UBE3D: variants seen among roughly 807,000 people sequenced by gnomAD.
The protein encoded by UBE3D is E3 ubiquitin-protein ligase E3D.
In UBE3D, 48 loss-of-function variants were observed where a neutral mutation model predicts 49.6. That is an observed-to-expected ratio of 0.97 (90% confidence interval 0.77 to 1.23). UBE3D has a LOEUF of 1.23. Among genes scored for constraint, UBE3D ranks in the 50% most tolerant of loss-of-function variants. UBE3D has a pLI of 0.00. For missense variants in UBE3D, 452 were observed against 468.4 expected, an observed-to-expected ratio of 0.96 and a Z score of 0.32; for synonymous variants, 189 against 174.2, an observed-to-expected ratio of 1.08 and a Z score of -0.67.
intron 8 of UBE3D, among the ~76,000 whole-genome samples, chr6:82,982,246 C>A (rs1267512720): frequency 6.6e-6 from 1 of 152,132 alleles, no homozygotes; most frequent in East Asian, 1.9e-4. Flanking sequence ...ATCATATCAT[C>A]TATTATACAT....
intron 8 of UBE3D, among the ~76,000 whole-genome samples, chr6:83,001,910 A>C (rs1474884417): frequency 6.6e-6 from 1 of 152,092 alleles, no homozygotes; most frequent in Non-Finnish European, 1.5e-5. Flanking sequence ...CTTAAATATC[A>C]CCTCATATCA....
At chr6:83,064,182 T>C (rs1203665711) in intron 1 of UBE3D, among the ~76,000 whole-genome samples, 1 of 152,188 alleles carries the variant, frequency 6.6e-6, no homozygotes, top group East Asian at 1.9e-4. Context: ...GTTCAAGAAA[T>C]GGCAAAACTA....
intron 5 of UBE3D, among the ~76,000 whole-genome samples, chr6:83,034,166 T>C (rs1218741198): frequency 1.3e-5 from 2 of 152,112 alleles, no homozygotes; most frequent in Non-Finnish European, 2.9e-5. Context: ...GACACTATTT[T>C]GGGAAGTGGA....
intron 8 of UBE3D, among the ~76,000 whole-genome samples, chr6:82,992,917 T>C (rs1409196477): frequency 1.3e-5 from 2 of 152,090 alleles, no homozygotes; most frequent in African/African-American, 4.8e-5. Flanking sequence ...TACATAATAC[T>C]AGATACAGAT....
intron 3 of UBE3D, among the ~76,000 whole-genome samples, chr6:83,050,264 AAGCATT>A (rs1783384124): frequency 6.6e-6 from 1 of 151,082 alleles, no homozygotes; most frequent in Non-Finnish European, 1.5e-5. Flanking sequence ...AAAAAAGAAT[AAGCATT>A]AGTCCCAGAC....
intron 3 of UBE3D, chr6:83,049,607 A>G (rs1317137674): frequency 3.1e-6 from 1 of 319,656 alleles, no homozygotes; most frequent in Non-Finnish European, 6.6e-6. Flanking sequence ...AAGTGGTTGG[A>G]TATCCTGACA....
chr6:83,003,376 A>C (rs1218906743), intron 8 of UBE3D, among the ~76,000 whole-genome samples: 1 of 152,062 alleles, frequency 6.6e-6, no homozygotes, highest in Non-Finnish European at 1.5e-5. Flanking sequence ...TTCATAGGAC[A>C]CCTGTTATTT....
intron 9 of UBE3D, among the ~76,000 whole-genome samples, chr6:82,940,133 G>A (rs1374440462): frequency 6.6e-6 from 1 of 152,184 alleles, no homozygotes; most frequent in Non-Finnish European, 1.5e-5. Context: ...TAACCTCCAG[G>A]CTGTCTGCCT....
At chr6:82,931,487 G>T (rs1673763590) in intron 9 of UBE3D, among the ~76,000 whole-genome samples, 1 of 152,340 alleles carries the variant, frequency 6.6e-6, no homozygotes, top group Admixed American at 6.5e-5. Flanking sequence ...CAGGAGGGGG[G>T]CTGTACCCTG....
intron 8 of UBE3D, among the ~76,000 whole-genome samples, chr6:82,970,636 G>A (rs1436922999): frequency 1.3e-4 from 20 of 152,008 alleles, no homozygotes; most frequent in African/African-American, 3.6e-4. Flanking sequence ...TCAGGAGATC[G>A]AGACCATCCT....
At chr6:83,025,495 G>T (rs532098932) in intron 5 of UBE3D, among the ~76,000 whole-genome samples, 4 of 151,990 alleles carry the variant, frequency 2.6e-5, no homozygotes, top group Non-Finnish European at 4.4e-5. Context: ...TGCTGGATAC[G>T]CTTATTTATA....
At chr6:82,919,978 A>T (rs1773210915) in intron 9 of UBE3D, among the ~76,000 whole-genome samples, 1 of 152,218 alleles carries the variant, frequency 6.6e-6, no homozygotes. Context: ...ACTGTACATC[A>T]AGTATCACCG....
At position 82,893,012 on chromosome 6, in the gene UBE3D, G is replaced by C; in HGVS notation, c.*10C>G. On this transcript the variant is annotated 3_prime_UTR_variant, in exon 10 of 10. Transcript: ENST00000369747. ...GTCTGCCGGGGGAGGAGAATGCCCA[G>C]CTCTAATAGTTACATCTTCAAAAAG... 1 of 1,613,656 alleles carries C rather than the reference G, an allele frequency of 6.2e-7. No homozygotes were observed. Among genetic ancestry groups the C allele is most frequent in the South Asian group, 1.1e-5 (1 of 91,076 alleles).
chr6:82,947,916 GA>G (rs1775523529), intron 9 of UBE3D, among the ~76,000 whole-genome samples: 1 of 151,784 alleles, frequency 6.6e-6, no homozygotes, highest in Admixed American at 6.6e-5. Flanking sequence ...CAAAACAGAA[GA>G]AAAACCTTCA....
At chr6:82,930,664 A>C (rs1774074464) in intron 9 of UBE3D, among the ~76,000 whole-genome samples, 1 of 152,200 alleles carries the variant, frequency 6.6e-6, no homozygotes, top group African/African-American at 2.4e-5. Context: ...ATGCAAAGAG[A>C]CTGGCAGCAT....
At chr6:82,997,278 T>C (rs1399208467) in intron 8 of UBE3D, among the ~76,000 whole-genome samples, 2 of 152,252 alleles carry the variant, frequency 1.3e-5, no homozygotes, top group African/African-American at 4.8e-5. Flanking sequence ...AAAATAATTT[T>C]AATAGAATGA....
intron 8 of UBE3D, among the ~76,000 whole-genome samples, chr6:82,962,715 G>A (rs974424467): frequency 2.6e-5 from 4 of 152,092 alleles, no homozygotes; most frequent in African/African-American, 9.7e-5. Flanking sequence ...GCCAATAAAT[G>A]ATAGGAAAAT....
chr6:82,959,565 G>A (rs1189971179), intron 8 of UBE3D, among the ~76,000 whole-genome samples: 1 of 151,570 alleles, frequency 6.6e-6, no homozygotes, highest in East Asian at 1.9e-4. Context: ...TTGATTTGTT[G>A]AGCTCCCACA....
At chr6:82,948,280 AGAAAT>A (rs1277197915) in intron 9 of UBE3D, among the ~76,000 whole-genome samples, 3 of 152,134 alleles carry the variant, frequency 2.0e-5, no homozygotes, top group African/African-American at 7.2e-5. Context: ...AAAATCTAGA[AGAAAT>A]GAATAAATTC....
Sources: gnomAD v4.1 joint callset for allele counts (sites outside exome capture counted in the v4.1 genomes callset) on GRCh38, gnomAD v4.1.1 for gene constraint, MANE v1.5 for transcripts, NCBI Gene and HGNC (gene_info 2026-07-23, HGNC 2026-07-21) for gene names.